The following MTMR7 variants were observed in gnomAD, a reference collection of about 807,000 sequenced individuals.
The protein encoded by MTMR7 is phosphatidylinositol-3-phosphate phosphatase MTMR7.
In MTMR7, 76 loss-of-function variants were observed where a neutral mutation model predicts 81.2. That is an observed-to-expected ratio of 0.94 (90% CI 0.78 to 1.13). The LOEUF (loss-of-function observed/expected upper bound fraction) is 1.13. Ranked by LOEUF, MTMR7 falls within the 50% of genes most tolerant of loss-of-function variation. The pLI is 0.00. For synonymous variants in MTMR7, 372 were observed against 289.8 expected, an observed-to-expected ratio of 1.28 and a Z score of -2.88; for missense variants, 1,044 against 820.0, an observed-to-expected ratio of 1.27 and a Z score of -3.34.
intron 1 of MTMR7, among the ~76,000 whole-genome samples, chr8:17,407,878 G>A (rs1478160379): frequency 2.0e-5 from 3 of 152,190 alleles, no homozygotes; most frequent in African/African-American, 7.2e-5. Flanking sequence ...ACAGTATACT[G>A]ACAGTGAATG....
intron 12 of MTMR7, among the ~76,000 whole-genome samples, chr8:17,303,201 G>A (rs1394445236): frequency 6.6e-6 from 1 of 152,110 alleles, no homozygotes; most frequent in East Asian, 1.9e-4. Context: ...TAAAATATGT[G>A]TTGACTAGCT....
At chr8:17,344,545 A>T (rs1187781902) in intron 5 of MTMR7, among the ~76,000 whole-genome samples, 1 of 152,140 alleles carries the variant, frequency 6.6e-6, no homozygotes, top group Non-Finnish European at 1.5e-5. Context: ...TGGGAGGTAG[A>T]GGCTGCAGTG....
chr8:17,365,474 T>C (rs1252861011), intron 3 of MTMR7, among the ~76,000 whole-genome samples: 13 of 152,212 alleles, frequency 8.5e-5, no homozygotes, highest in Non-Finnish European at 1.9e-4. Context: ...CCTGATTTTC[T>C]ACCCACTCTT....
At chr8:17,393,421 A>C (rs962609123) in intron 1 of MTMR7, among the ~76,000 whole-genome samples, 2 of 152,212 alleles carry the variant, frequency 1.3e-5, no homozygotes, top group Admixed American at 6.6e-5. Context: ...TTTCAAAGAT[A>C]ACAATGAGAA....
At chr8:17,345,603 G>T (rs1471628942) in intron 5 of MTMR7, among the ~76,000 whole-genome samples, 2 of 152,174 alleles carry the variant, frequency 1.3e-5, no homozygotes, top group Non-Finnish European at 2.9e-5. Flanking sequence ...TCACCACAGG[G>T]GTGAAAGAAT....
At chr8:17,304,351 G>C (rs369238695) in intron 12 of MTMR7, 28 bp downstream of exon 12, 4 of 1,603,284 alleles carry the variant, frequency 2.5e-6, no homozygotes, top group African/African-American at 2.7e-5. Context: ...TCATACCATG[G>C]CTACAAAGTT....
rs1816992445 is a variant in MTMR7, at chr8:17,299,879, C to CGG, written c.1964_1965dup (p.Val656ProfsTer19). On this transcript the variant is annotated frameshift_variant, in exon 14 of 14. Transcript: ENST00000180173. LOFTEE classifies it high-confidence loss of function. ...GGGAAACTTCAGGCAGTGAGAAACA[C>CGG]GGCTTCATCAGAATCCCGGTCCTTG... The CGG allele has an allele frequency of 6.2e-7, 1 of 1,613,894 alleles. No homozygotes were observed. Among genetic ancestry groups the CGG allele is most frequent in the East Asian group, 2.2e-5 (1 of 44,876 alleles).
intron 8 of MTMR7, chr8:17,311,879 C>T (rs1356296226): frequency 5.9e-6 from 3 of 505,282 alleles, no homozygotes; most frequent in Non-Finnish European, 1.1e-5. Context: ...CCAATAAGCG[C>T]ATGTACTTAC....
intron 5 of MTMR7, among the ~76,000 whole-genome samples, chr8:17,344,504 G>C (rs111579520): frequency 0.023 from 3,454 of 152,178 alleles, 129 homozygotes; most frequent in African/African-American, 0.079. Context: ...CCAGCTGCTT[G>C]GGAGGCTGAG....
At chr8:17,341,748 C>G (rs1444931413) in intron 5 of MTMR7, among the ~76,000 whole-genome samples, 1 of 152,128 alleles carries the variant, frequency 6.6e-6, no homozygotes, top group Non-Finnish European at 1.5e-5. Context: ...TAGATAGGGT[C>G]TAAGTTATGA....
chr8:17,368,274 T>C (rs1820297699), intron 3 of MTMR7, among the ~76,000 whole-genome samples: 1 of 152,184 alleles, frequency 6.6e-6, no homozygotes, highest in Non-Finnish European at 1.5e-5. Context: ...TGCTGTGCTG[T>C]GCCGCCCGCT....
Position 17,297,429 on chromosome 8 carries a change from GAAGA to G in MTMR7, c.*2429_*2432del. The stretch of plus-strand genomic sequence containing the variant: ...GGACAGCTCAGATTCATTTTTAGGA[GAAGA>G]AAGTAAACTAATGTGCTCTTAAAGA... On this transcript the variant is annotated 3_prime_UTR_variant, in exon 14 of 14. Transcript: ENST00000180173. 6.6e-6 allele frequency: 1 copy of G among 151,904 alleles called. No individual in the cohort carries two copies. The highest frequency in any genetic ancestry group is 1.5e-5 in the Non-Finnish European group (1 of 67,882). The allele number at this position is 151,904 out of a possible 1,614,324, so 9.4% of individuals were successfully genotyped here.
At chr8:17,401,946 G>C (rs1821440865) in intron 1 of MTMR7, among the ~76,000 whole-genome samples, 1 of 152,052 alleles carries the variant, frequency 6.6e-6, no homozygotes, top group African/African-American at 2.4e-5. Context: ...AAGGAACTAT[G>C]GAATGACAAT....
intron 1 of MTMR7, among the ~76,000 whole-genome samples, chr8:17,392,369 TAC>T (rs1388438432): frequency 2.0e-4 from 31 of 152,334 alleles, no homozygotes; most frequent in Admixed American, 3.9e-4. Context: ...CATAGGAGGT[TAC>T]AGTTTCACGT....
intron 1 of MTMR7, among the ~76,000 whole-genome samples, chr8:17,408,505 TATC>T (rs1253842223): frequency 6.6e-6 from 1 of 152,098 alleles, no homozygotes; most frequent in African/African-American, 2.4e-5. Flanking sequence ...AGGACAAACT[TATC>T]AACTGCTAGA....
At chr8:17,390,385 G>A (rs1018822300) in intron 1 of MTMR7, among the ~76,000 whole-genome samples, 3 of 152,064 alleles carry the variant, frequency 2.0e-5, no homozygotes, top group Non-Finnish European at 4.4e-5. Context: ...CAGCACCAAG[G>A]CGATGGTGCT....
At chr8:17,359,042 C>A (rs1330681008) in intron 4 of MTMR7, among the ~76,000 whole-genome samples, 1 of 152,048 alleles carries the variant, frequency 6.6e-6, no homozygotes, top group Non-Finnish European at 1.5e-5. Context: ...TACAGGTGCA[C>A]ACCTCCATGT....
intron 1 of MTMR7, among the ~76,000 whole-genome samples, chr8:17,404,476 G>T (rs956011421): frequency 1.3e-5 from 2 of 152,042 alleles, no homozygotes; most frequent in African/African-American, 4.8e-5. Context: ...AGATATTATG[G>T]ATCTTATCAG....
intron 3 of MTMR7, 99 bp downstream of exon 3, chr8:17,370,938 T>C (rs1820398656): frequency 2.4e-6 from 3 of 1,226,780 alleles, no homozygotes; most frequent in Non-Finnish European, 3.5e-6. Context: ...ACATAATCCC[T>C]GAACCCCTAT....
Sources: gnomAD v4.1 joint callset for allele counts (sites outside exome capture counted in the v4.1 genomes callset) on GRCh38, gnomAD v4.1.1 for gene constraint, MANE v1.5 for transcripts, NCBI Gene and HGNC (gene_info 2026-07-23, HGNC 2026-07-21) for gene names.